The following FSHR variants were observed in gnomAD, a reference collection of about 807,000 sequenced individuals.
FSHR encodes follicle stimulating hormone receptor.
A neutral mutation model predicts 52.1 loss-of-function variants in FSHR; 46 were observed. The observed-to-expected ratio is 0.88, with a 90% CI of 0.70 to 1.13. FSHR has a LOEUF of 1.13. FSHR is among the 50% of genes most tolerant of loss of function. The pLI is 0.00. For synonymous variants in FSHR, 399 were observed against 309.6 expected (o/e 1.29, Z -3.03); for missense variants, 964 against 834.6 (o/e 1.16, Z -1.91).
intron 2 of FSHR, among the ~76,000 whole-genome samples, chr2:49,040,211 G>C (rs1449687458): frequency 6.6e-6 from 1 of 152,074 alleles, no homozygotes; most frequent in African/African-American, 2.4e-5. Flanking sequence ...GTTTATTTTA[G>C]AAAAAGGCCT....
At chr2:49,145,467 G>T (rs1672837517) in intron 1 of FSHR, among the ~76,000 whole-genome samples, 1 of 152,020 alleles carries the variant, frequency 6.6e-6, no homozygotes, top group Admixed American at 6.6e-5. Flanking sequence ...CGGTGGTCAA[G>T]AAGGCAAATC....
At chr2:48,980,232 T>C (rs1339982341) in intron 8 of FSHR, among the ~76,000 whole-genome samples, 1 of 152,212 alleles carries the variant, frequency 6.6e-6, no homozygotes, top group African/African-American at 2.4e-5. Flanking sequence ...GATGGAAATA[T>C]GTGGGAATGT....
intron 2 of FSHR, among the ~76,000 whole-genome samples, chr2:49,028,716 C>A (rs1280577995): frequency 6.6e-6 from 1 of 152,198 alleles, no homozygotes; most frequent in Non-Finnish European, 1.5e-5. Context: ...CCTGGTCCTT[C>A]ACCCACCATT....
intron 1 of FSHR, among the ~76,000 whole-genome samples, chr2:49,079,389 A>C (rs1670077369): frequency 6.6e-6 from 1 of 152,276 alleles, no homozygotes; most frequent in South Asian, 2.1e-4. Flanking sequence ...GTGGAAATTA[A>C]CTGGCTGATT....
intron 2 of FSHR, among the ~76,000 whole-genome samples, chr2:49,050,052 G>C (rs546400122): frequency 1.1e-4 from 17 of 152,128 alleles, no homozygotes; most frequent in African/African-American, 4.1e-4. Context: ...CAAGAAAATA[G>C]CTTCTTGTGT....
In FSHR at chr2:49,061,963, G is replaced by T. The variant is rs1240219205; in HGVS notation, c.224+6256C>A. On this transcript the variant is annotated intron_variant, in intron 2 of 9. Coordinates refer to ENST00000406846, the MANE Select transcript of FSHR (RefSeq NM_000145.4). ...GATAGCCTCTAATACAGTAATAGTTGGGGACTTCAATGCCCCACTGTCAGC... is the reference window on the plus strand; with the variant it reads ...GATAGCCTCTAATACAGTAATAGTTTGGGACTTCAATGCCCCACTGTCAGC... Among the ~76,000 whole-genome samples, 4 of 150,882 alleles carry T rather than the reference G, an allele frequency of 2.7e-5. No individual in the cohort carries two copies. The East Asian group carries it at 5.8e-4, about 22-fold the overall frequency.
chr2:49,071,770 G>A (rs936515562), intron 1 of FSHR, among the ~76,000 whole-genome samples: 1 of 152,020 alleles, frequency 6.6e-6, no homozygotes, highest in Non-Finnish European at 1.5e-5. Context: ...GGCAGTAGGG[G>A]AAGGAGGACA....
intron 1 of FSHR, among the ~76,000 whole-genome samples, chr2:49,132,612 T>TA (rs1450636293): frequency 6.6e-6 from 1 of 152,100 alleles, no homozygotes; most frequent in Non-Finnish European, 1.5e-5. Flanking sequence ...CACATTAAAG[T>TA]AAAAAATGGG....
At chr2:49,083,147 T>C (rs1352472662) in intron 1 of FSHR, among the ~76,000 whole-genome samples, 1 of 151,914 alleles carries the variant, frequency 6.6e-6, no homozygotes, top group Admixed American at 6.6e-5. Flanking sequence ...AGCAGATCTC[T>C]CGGCAGAAAC....
chr2:48,984,849 T>A (rs931464490), intron 6 of FSHR, among the ~76,000 whole-genome samples: 2 of 152,242 alleles, frequency 1.3e-5, no homozygotes, highest in Non-Finnish European at 2.9e-5. Context: ...AAACTAATTT[T>A]AAATAATTAT....
chr2:49,123,991 C>CT (rs1003593467), intron 1 of FSHR, among the ~76,000 whole-genome samples: 105 of 145,706 alleles, frequency 7.2e-4, no homozygotes, highest in East Asian at 3.4e-3. Context: ...GTTTTTCTTT[C>CT]TTTTTTTTTT....
Position 48,999,024 on chromosome 2 carries a change from G to C in FSHR, c.375-8387C>G, listed in dbSNP as rs80295994. On this transcript the variant is annotated intron_variant, in intron 4 of 9. Coordinates refer to ENST00000406846, the MANE Select transcript of FSHR (RefSeq NM_000145.4). Reference sequence around the variant, plus strand: ...TCGGAAACATATGCTTTGTTTGTTTGTGTGTTTGTTCGCTGATGGGGTGAG... The same window carrying C: ...TCGGAAACATATGCTTTGTTTGTTTCTGTGTTTGTTCGCTGATGGGGTGAG... Among the ~76,000 whole-genome samples the C allele has an allele frequency of 4.5e-3, 684 of 152,114 alleles. 6 individuals carry two copies. The highest frequency in any genetic ancestry group is 0.015 in the African/African-American group (626 of 41,516).
At chr2:49,066,937 T>C (rs13003970) in intron 2 of FSHR, among the ~76,000 whole-genome samples, 58,502 of 151,882 alleles carry the variant, frequency 0.39, 11,441 homozygotes, top group East Asian at 0.49. Context: ...GCTCTCCCAC[T>C]CTACTGTCTC....
chr2:49,030,957 G>GA (rs1668080127), intron 2 of FSHR, among the ~76,000 whole-genome samples: 2 of 152,152 alleles, frequency 1.3e-5, no homozygotes. Flanking sequence ...AATGCCTAGA[G>GA]AAAAACGCCA....
intron 8 of FSHR, among the ~76,000 whole-genome samples, chr2:48,982,458 C>A (rs1249663252): frequency 6.6e-6 from 1 of 152,144 alleles, no homozygotes; most frequent in East Asian, 1.9e-4. Context: ...ATTGTGCTTT[C>A]CTTTCCAGGG....
At chr2:49,012,736 T>C (rs1332979583) in intron 4 of FSHR, among the ~76,000 whole-genome samples, 1 of 152,150 alleles carries the variant, frequency 6.6e-6, no homozygotes, top group Non-Finnish European at 1.5e-5. Flanking sequence ...TTCATCCATT[T>C]TGCGTTTTTT....
At chr2:49,143,583 C>T (rs745613843) in intron 1 of FSHR, among the ~76,000 whole-genome samples, 1 of 152,030 alleles carries the variant, frequency 6.6e-6, no homozygotes, top group South Asian at 2.1e-4. Flanking sequence ...TTTGTTTCCT[C>T]CTGAAACTCC....
chr2:49,013,952 A>G (rs946179184), intron 4 of FSHR, among the ~76,000 whole-genome samples: 2 of 152,066 alleles, frequency 1.3e-5, no homozygotes, highest in Non-Finnish European at 2.9e-5. Flanking sequence ...CTCTCTGTGT[A>G]TATGCACCAA....
At chr2:49,050,890 A>T (rs1485700701) in intron 2 of FSHR, among the ~76,000 whole-genome samples, 2 of 152,194 alleles carry the variant, frequency 1.3e-5, no homozygotes, top group East Asian at 3.9e-4. Context: ...TTCCCAGACA[A>T]TCCCTAACAC....
Sources: allele counts gnomAD v4.1 joint callset (sites outside exome capture counted in the v4.1 genomes callset), GRCh38; gene constraint gnomAD v4.1.1; transcripts MANE v1.5; gene names NCBI Gene and HGNC (gene_info 2026-07-23, HGNC 2026-07-21).